The following SPIDR variants were observed in gnomAD, a reference collection of about 807,000 sequenced individuals.
SPIDR encodes the protein scaffold protein involved in DNA repair, also known as DNA repair-scaffolding protein.
In SPIDR, 93 loss-of-function variants were observed where a neutral mutation model predicts 104.6. The ratio of observed to expected loss-of-function variants is 0.89; its 90% CI spans 0.75 to 1.06. The LOEUF is 1.06. Ranked by LOEUF, SPIDR falls within the 50% of genes least tolerant of loss-of-function variation. SPIDR has a pLI of 0.00. For synonymous variants in SPIDR, 431 were observed against 416.9 expected, an observed-to-expected ratio of 1.03 and a Z score of -0.41; for missense variants, 1,154 against 1,111.2, an observed-to-expected ratio of 1.04 and a Z score of -0.55.
intron 8 of SPIDR, chr8:47,592,413 C>T: frequency 7.0e-7 from 1 of 1,427,466 alleles, no homozygotes; most frequent in Non-Finnish European, 9.9e-7. Flanking sequence ...TAGGGGCTGC[C>T]ATTGAGTATT....
Position 47,314,896 on chromosome 8 carries a change from G to A in SPIDR, c.525+20866G>A, listed in dbSNP as rs587709708. ...GACTTCCTGTATTCTGTCTACCAGA[G>A]ATGCATTTTAAAAATAATGACACAG... On this transcript the variant is annotated intron_variant, in intron 5 of 19. Transcript: ENST00000297423. Among the ~76,000 whole-genome samples the A allele has an allele frequency of 7.0e-4, 107 of 152,254 alleles. 1 individual carries two copies. In the South Asian group the frequency reaches 8.3e-3, roughly 12 times the overall value.
chr8:47,654,235 G>T, intron 10 of SPIDR: 2 of 1,230,080 alleles, frequency 1.6e-6, no homozygotes, highest in Admixed American at 4.6e-5. Flanking sequence ...GAAAGAACAG[G>T]GTTTAAGAGA....
rs183951624 is a variant in SPIDR, at chr8:47,481,773, T to G, written c.1097+41231T>G. On this transcript the variant is annotated intron_variant, in intron 8 of 19. Coordinates refer to ENST00000297423, the MANE Select transcript of SPIDR (RefSeq NM_001080394.4). ...GATTGACAAGGTTGACTCTACATAA[T>G]TGAGTTTTAAAAAAGACTAGAAAGG... 1.6e-4 allele frequency among the ~76,000 whole-genome samples: 24 copies of G among 152,312 alleles called. 1 individual carries two copies. Among genetic ancestry groups the G allele is most frequent in the Middle Eastern group, 3.4e-3 (1 of 294 alleles).
At chr8:47,517,697 G>T (rs1043417515) in intron 8 of SPIDR, among the ~76,000 whole-genome samples, 1 of 152,166 alleles carries the variant, frequency 6.6e-6, no homozygotes, top group Admixed American at 6.5e-5. Context: ...AGAAATTTGT[G>T]AAATTATTCA....
At chr8:47,594,009 C>T (rs1470812505) in intron 8 of SPIDR, among the ~76,000 whole-genome samples, 3 of 151,768 alleles carry the variant, frequency 2.0e-5, no homozygotes, top group Non-Finnish European at 4.4e-5. Flanking sequence ...GAAGTCCAGG[C>T]CCCCAGGTAG....
At chr8:47,577,306 C>T (rs1185466827) in intron 8 of SPIDR, among the ~76,000 whole-genome samples, 1 of 152,216 alleles carries the variant, frequency 6.6e-6, no homozygotes, top group Non-Finnish European at 1.5e-5. Flanking sequence ...TCATGGAACA[C>T]CAAGCAGTTC....
chr8:47,423,811 G>A (rs980873447), intron 7 of SPIDR, among the ~76,000 whole-genome samples: 2 of 152,028 alleles, frequency 1.3e-5, no homozygotes, highest in African/African-American at 4.8e-5. Flanking sequence ...CATAGAGAAT[G>A]GACAGCTATA....
At chr8:47,509,049 C>CTGGAT (rs765516307) in intron 8 of SPIDR, among the ~76,000 whole-genome samples, 1 of 152,136 alleles carries the variant, frequency 6.6e-6, no homozygotes, top group Non-Finnish European at 1.5e-5. Context: ...GGCTGTCGTG[C>CTGGAT]TGGATCCCTC....
chr8:47,460,556 A>G (rs1042671493), intron 8 of SPIDR, among the ~76,000 whole-genome samples: 4 of 151,890 alleles, frequency 2.6e-5, no homozygotes, highest in African/African-American at 9.7e-5. Flanking sequence ...CTGAGTCCTT[A>G]TGTGTTAGGT....
At chr8:47,411,010 T>C (rs1554671046) in intron 7 of SPIDR, among the ~76,000 whole-genome samples, 1 of 152,248 alleles carries the variant, frequency 6.6e-6, no homozygotes, top group African/African-American at 2.4e-5. Context: ...TATGGCTGCA[T>C]AGTATTTCAT....
At chr8:47,540,117 C>G (rs2087807715) in intron 8 of SPIDR, among the ~76,000 whole-genome samples, 1 of 152,112 alleles carries the variant, frequency 6.6e-6, no homozygotes, top group Admixed American at 6.5e-5. Flanking sequence ...TTGAGGGACT[C>G]TGCTGAGACA....
rs566297466 is a variant in SPIDR at position 47,516,525 on chromosome 8, A to G, written c.1097+75983A>G. ...GGTAACTCTTAAGTGGAATCATACA[A>G]TATTTGTTATTTTGTGTCTGGCTTA... On this transcript the variant is annotated intron_variant, in intron 8 of 19. Transcript: ENST00000297423. Among the ~76,000 whole-genome samples, 3 of 152,164 alleles carry G rather than the reference A, an allele frequency of 2.0e-5. No individual in the cohort carries two copies. The South Asian group carries it at 6.2e-4, about 32-fold the overall frequency.
chr8:47,569,185 A>G (rs2058235395), intron 8 of SPIDR, among the ~76,000 whole-genome samples: 2 of 152,198 alleles, frequency 1.3e-5, no homozygotes, highest in South Asian at 4.1e-4. Flanking sequence ...AAAGGACACT[A>G]TATATTAATT....
chr8:47,299,960 C>T (rs2041733319), intron 5 of SPIDR, among the ~76,000 whole-genome samples: 1 of 152,156 alleles, frequency 6.6e-6, no homozygotes, highest in South Asian at 2.1e-4. Context: ...ATGATGCTGG[C>T]CTCATAAAAT....
At chr8:47,331,852 A>G (rs961727177) in intron 5 of SPIDR, among the ~76,000 whole-genome samples, 1 of 151,726 alleles carries the variant, frequency 6.6e-6, no homozygotes, top group East Asian at 1.9e-4. Context: ...GTTCAGCTGT[A>G]CAGAAGTATT....
At chr8:47,419,746 G>C (rs1189694666) in intron 7 of SPIDR, among the ~76,000 whole-genome samples, 1 of 151,950 alleles carries the variant, frequency 6.6e-6, no homozygotes, top group East Asian at 1.9e-4. Flanking sequence ...GCTTTCTCTT[G>C]TGGGCATTTA....
At chr8:47,284,139 T>C in intron 3 of SPIDR, 45 bp downstream of exon 3, 1 of 1,465,726 alleles carries the variant, frequency 6.8e-7, no homozygotes, top group Non-Finnish European at 9.4e-7. Context: ...ATAAGACTAA[T>C]AAATCCTTCT....
At chr8:47,327,171 T>G (rs781940164) in intron 5 of SPIDR, among the ~76,000 whole-genome samples, 7 of 152,184 alleles carry the variant, frequency 4.6e-5, no homozygotes, top group Non-Finnish European at 1.0e-4. Flanking sequence ...TTATTAAGGT[T>G]TTGGTTTGCA....
chr8:47,721,986 T>TA (rs1298940071), intron 16 of SPIDR, among the ~76,000 whole-genome samples: 2 of 152,232 alleles, frequency 1.3e-5, no homozygotes, highest in Admixed American at 6.5e-5. Flanking sequence ...TGACATGTTG[T>TA]AATACTAGAG....
Sources: gnomAD v4.1 joint callset for allele counts (sites outside exome capture counted in the v4.1 genomes callset) on GRCh38, gnomAD v4.1.1 for gene constraint, MANE v1.5 for transcripts, NCBI Gene and HGNC (gene_info 2026-07-23, HGNC 2026-07-21) for gene names.